Variants in TXNDC16 observed in about 807,000 individuals in gnomAD.
The protein encoded by TXNDC16 is thioredoxin domain-containing protein 16.
TXNDC16 carries 74 observed loss-of-function variants against 85.6 expected under a neutral mutation model. That is an observed-to-expected ratio of 0.86 (90% confidence interval 0.72 to 1.05). The LOEUF (loss-of-function observed/expected upper bound fraction) is 1.05. TXNDC16 is among the 50% of genes least tolerant of loss of function. The pLI is 0.00. For missense variants in TXNDC16, 959 were observed against 947.0 expected, an observed-to-expected ratio of 1.01 and a Z score of -0.17; for synonymous variants, 335 against 326.5, an observed-to-expected ratio of 1.03 and a Z score of -0.28.
Position 52,529,902 on chromosome 14 carries a change from TTA to T in TXNDC16, c.392+6815_392+6816del, listed in dbSNP as rs1165303552. Among the ~76,000 whole-genome samples the T allele has an allele frequency of 2.8e-5, 3 of 105,370 alleles. No individual in the cohort carries two copies. In the South Asian group the frequency reaches 8.9e-4, roughly 31 times the overall value. The allele number at this position is 105,370 out of a possible 152,430, so 69.1% of individuals were successfully genotyped here. The stretch of plus-strand genomic sequence containing the variant: ...ATATATATGAATTATATATTATATA[TTA>T]TATATTATATAATATACATTATATA... On this transcript the variant is annotated intron_variant, in intron 6 of 20. Coordinates refer to ENST00000281741, the MANE Select transcript of TXNDC16 (RefSeq NM_020784.3).
rs1566587047 is a variant in TXNDC16, at chr14:52,536,691, C to T, written c.392+28G>A. The T allele has an allele frequency of 2.6e-6, 4 of 1,551,884 alleles. No homozygotes were observed. The Admixed American group carries it at 5.4e-5, about 21-fold the overall frequency. On this transcript the variant is annotated intron_variant, in intron 6 of 20. Coordinates refer to ENST00000281741, the MANE Select transcript of TXNDC16 (RefSeq NM_020784.3). ...AATCAACAGATAAGTAACAAGTAAA[C>T]AAATGAATGTGTAGCCCCTGTACTT...
chr14:52,445,999 C>G (rs2035274934), intron 18 of TXNDC16, among the ~76,000 whole-genome samples: 1 of 152,176 alleles, frequency 6.6e-6, no homozygotes, highest in Non-Finnish European at 1.5e-5. Flanking sequence ...GAGAGTGAAG[C>G]AAGATGGCAG....
intron 9 of TXNDC16, among the ~76,000 whole-genome samples, chr14:52,507,130 G>C (rs2036829510): frequency 6.6e-6 from 1 of 152,104 alleles, no homozygotes; most frequent in Non-Finnish European, 1.5e-5. Flanking sequence ...AATTGTCCCT[G>C]TTTGCAGATG....
intron 9 of TXNDC16, among the ~76,000 whole-genome samples, chr14:52,493,081 G>C (rs2036444659): frequency 6.6e-6 from 1 of 151,612 alleles, no homozygotes; most frequent in South Asian, 2.1e-4. Flanking sequence ...TTCAAGACCA[G>C]CCTGGGCTAC....
chr14:52,443,333 T>G (rs1235940875), intron 18 of TXNDC16, among the ~76,000 whole-genome samples: 2 of 152,212 alleles, frequency 1.3e-5, no homozygotes, highest in Non-Finnish European at 2.9e-5. Flanking sequence ...TCCTTTCTCC[T>G]CAGCTTGCAG....
At chr14:52,532,524 C>T (rs1332449826) in intron 6 of TXNDC16, among the ~76,000 whole-genome samples, 1 of 152,042 alleles carries the variant, frequency 6.6e-6, no homozygotes, top group Non-Finnish European at 1.5e-5. Flanking sequence ...GCAAGCTCCA[C>T]CTCCCGGATT....
intron 15 of TXNDC16, 142 bp from the exon 16 acceptor site, chr14:52,470,315 A>C (rs1187405578): frequency 1.5e-5 from 14 of 919,194 alleles, no homozygotes; most frequent in Middle Eastern, 3.5e-4. Flanking sequence ...ATTATTCTTA[A>C]AGAAAATCAG....
At chr14:52,529,269 T>C (rs149604489) in intron 6 of TXNDC16, among the ~76,000 whole-genome samples, 7 of 148,962 alleles carry the variant, frequency 4.7e-5, no homozygotes, top group African/African-American at 7.4e-5. Flanking sequence ...TAGGTGGGAA[T>C]TGAACAATGA....
intron 8 of TXNDC16, among the ~76,000 whole-genome samples, chr14:52,514,404 G>T (rs1171486195): frequency 6.6e-6 from 1 of 152,162 alleles, no homozygotes; most frequent in Non-Finnish European, 1.5e-5. Flanking sequence ...CAGCCAAAAA[G>T]TGTGGAAAGT....
At chr14:52,436,036 T>C (rs1213401907) in intron 20 of TXNDC16, among the ~76,000 whole-genome samples, 1 of 151,998 alleles carries the variant, frequency 6.6e-6, no homozygotes, top group Non-Finnish European at 1.5e-5. Flanking sequence ...AGTAATCAAA[T>C]TTCCCAATTT....
chr14:52,435,602 T>G, intron 20 of TXNDC16, among the ~76,000 whole-genome samples: 1 of 152,044 alleles, frequency 6.6e-6, no homozygotes, highest in Non-Finnish European at 1.5e-5. Context: ...ACCAATAAAT[T>G]GCCTCAGAAA....
intron 4 of TXNDC16, among the ~76,000 whole-genome samples, chr14:52,538,595 G>A (rs1400245284): frequency 6.6e-6 from 1 of 152,074 alleles, no homozygotes. Context: ...ATACAACTAG[G>A]GGGAAGACTG....
At chr14:52,510,734 G>A (rs1243417527) in intron 9 of TXNDC16, among the ~76,000 whole-genome samples, 1 of 152,176 alleles carries the variant, frequency 6.6e-6, no homozygotes, top group East Asian at 1.9e-4. Context: ...ACTTTTCGGA[G>A]AGAACAGTTT....
intron 12 of TXNDC16, among the ~76,000 whole-genome samples, chr14:52,487,541 G>T (rs2036298888): frequency 6.6e-6 from 1 of 152,108 alleles, no homozygotes; most frequent in South Asian, 2.1e-4. Context: ...TACAGAAGAG[G>T]ATTAATGTTA....
chr14:52,480,289 G>A (rs2036115506), intron 14 of TXNDC16, among the ~76,000 whole-genome samples: 2 of 152,146 alleles, frequency 1.3e-5, no homozygotes, highest in South Asian at 2.1e-4. Flanking sequence ...GGACCCAAAA[G>A]CAAACACAAT....
At chr14:52,541,202 C>G (rs1304067463) in intron 4 of TXNDC16, among the ~76,000 whole-genome samples, 2 of 151,634 alleles carry the variant, frequency 1.3e-5, no homozygotes, top group South Asian at 2.1e-4. Context: ...TCCCATTGCA[C>G]TCCAGCCTGG....
chr14:52,482,353 T>C, intron 13 of TXNDC16, 64 bp from the exon 14 acceptor site: 2 of 1,341,092 alleles, frequency 1.5e-6, no homozygotes, highest in South Asian at 2.4e-5. Context: ...CACACTGATA[T>C]GTAACAAATA....
intron 14 of TXNDC16, among the ~76,000 whole-genome samples, chr14:52,471,737 A>G (rs1465257516): frequency 6.6e-6 from 1 of 152,008 alleles, no homozygotes; most frequent in African/African-American, 2.4e-5. Context: ...CCAGGACTTC[A>G]GATACCTATC....
intron 18 of TXNDC16, among the ~76,000 whole-genome samples, chr14:52,449,167 A>T (rs919299952): frequency 6.6e-6 from 1 of 151,958 alleles, no homozygotes; most frequent in Non-Finnish European, 1.5e-5. Context: ...GATTAAAAAA[A>T]AATAATAAGA....
Sources: gnomAD v4.1 joint callset for allele counts (sites outside exome capture counted in the v4.1 genomes callset) on GRCh38, gnomAD v4.1.1 for gene constraint, MANE v1.5 for transcripts, NCBI Gene and HGNC (gene_info 2026-07-23, HGNC 2026-07-21) for gene names.